SLAMF1: variants seen among roughly 807,000 people sequenced by gnomAD.
SLAMF1 encodes signaling lymphocytic activation molecule family member 1, also known as signaling lymphocytic activation molecule.
SLAMF1 carries 18 observed loss-of-function variants against 35.1 expected under a neutral mutation model. The ratio of observed to expected loss-of-function variants is 0.51; its 90% CI spans 0.35 to 0.76. The LOEUF (loss-of-function observed/expected upper bound fraction) is 0.76, where lower values mean the gene tolerates loss of function less well. Among genes scored for constraint, SLAMF1 ranks in the 30% least tolerant of loss-of-function variants. The pLI, the probability that SLAMF1 is intolerant of heterozygous loss-of-function variation, is 0.01. For missense variants in SLAMF1, 392 were observed against 413.0 expected (o/e 0.95, Z 0.44); for synonymous variants, 168 against 157.2 (o/e 1.07, Z -0.51).
chr1:160,635,672 C>T lies in SLAMF1; in HGVS notation c.416-775G>A, dbSNP rs527829227. Among the ~76,000 whole-genome samples, 12 of 150,866 alleles carry T rather than the reference C, an allele frequency of 8.0e-5. No individual in the cohort carries two copies. The South Asian group carries it at 1.3e-3, about 16-fold the overall frequency. On this transcript the variant is annotated intron_variant, in intron 2 of 6. Coordinates refer to ENST00000302035, the MANE Select transcript of SLAMF1 (RefSeq NM_003037.5). Reference sequence around the variant, plus strand: ...CTGCAAGCTCCACCTCCTGGGTTCACGCCATTCTCCTGCCTCAGCCTCCCG... The same window carrying T: ...CTGCAAGCTCCACCTCCTGGGTTCATGCCATTCTCCTGCCTCAGCCTCCCG...
chr1:160,643,373 T>C (rs910210419), intron 1 of SLAMF1, among the ~76,000 whole-genome samples: 10 of 152,184 alleles, frequency 6.6e-5, no homozygotes, highest in African/African-American at 9.7e-5. Flanking sequence ...CTTAGGAAGA[T>C]AGTGACTCCA....
In SLAMF1 at chr1:160,610,272, C is replaced by T. The variant is rs1557999202; in HGVS notation, c.*476G>A. 4.4e-6 allele frequency: 2 copies of T among 456,784 alleles called. No homozygotes were observed. The highest frequency in any genetic ancestry group is 6.9e-5 in the East Asian group (1 of 14,404). 28.3% of individuals were successfully genotyped at this position (456,784 alleles called of 1,614,324 possible). On this transcript the variant is annotated 3_prime_UTR_variant, in exon 7 of 7. Coordinates refer to ENST00000302035, the MANE Select transcript of SLAMF1 (RefSeq NM_003037.5). ...TGAGAGAGAAACTGAGGCACAGAGG[C>T]TTGATCAGGTCTGCAGGTTATCATG... is the stretch of plus-strand genomic sequence containing the variant.
intron 2 of SLAMF1, chr1:160,636,906 G>T: frequency 2.4e-6 from 1 of 411,056 alleles, no homozygotes. Flanking sequence ...CAAGATCCTT[G>T]GGTCTATCGG....
intron 3 of SLAMF1, among the ~76,000 whole-genome samples, chr1:160,627,429 A>C (rs985017528): frequency 6.6e-6 from 1 of 152,172 alleles, no homozygotes; most frequent in African/African-American, 2.4e-5. Flanking sequence ...ATTGATTGGA[A>C]AGACAAGAAA....
chr1:160,624,047 G>A, intron 4 of SLAMF1, 49 bp downstream of exon 4: 4 of 1,332,654 alleles, frequency 3.0e-6, no homozygotes, highest in Admixed American at 2.0e-5. Flanking sequence ...GAGGTCCCCT[G>A]CTTACCACAG....
intron 1 of SLAMF1, 91 bp downstream of exon 1, chr1:160,646,779 C>G (rs1246570633): frequency 2.7e-6 from 2 of 732,074 alleles, no homozygotes; most frequent in African/African-American, 3.5e-5. Flanking sequence ...AAACACAATA[C>G]CCAGCCCTGC....
intron 1 of SLAMF1, 48 bp from the exon 2 acceptor site, chr1:160,637,577 C>A: frequency 2.2e-6 from 3 of 1,343,132 alleles, no homozygotes; most frequent in African/African-American, 2.9e-5. Flanking sequence ...GGCCTTTAGA[C>A]AACATCGTGT....
rs1157094606 is a variant in SLAMF1, at chr1:160,634,723, G to A, written c.590C>T (p.Thr197Ile). 1.2e-6 allele frequency: 2 copies of A among 1,614,188 alleles called. No individual in the cohort carries two copies. The highest frequency in any genetic ancestry group is 1.7e-6 in the Non-Finnish European group (2 of 1,180,028). ...ATTGTCAGCATGCTGGGGGCCGAGG[G>A]TGAGGGACAGGAGGTGGGAGCTGTT... ...PANSSHLLSLTLGPQHADNIY... is the reference protein window; with the variant it reads ...PANSSHLLSLILGPQHADNIY... Residue 197 changes from threonine to isoleucine, a missense_variant, in exon 3 of 7, where the codon ACC becomes ATC. Physicochemically the swap from Thr to Ile is moderately conservative, Grantham distance 89 (BLOSUM62 -1). Transcript: ENST00000302035.
intron 1 of SLAMF1, among the ~76,000 whole-genome samples, chr1:160,641,106 A>G: frequency 6.6e-6 from 1 of 152,190 alleles, no homozygotes; most frequent in East Asian, 1.9e-4. Context: ...ATTTAAAGCC[A>G]TATGTGCAAG....
intron 5 of SLAMF1, among the ~76,000 whole-genome samples, chr1:160,614,389 C>T (rs1469133886): frequency 1.4e-5 from 2 of 138,950 alleles, no homozygotes; most frequent in Non-Finnish European, 3.3e-5. Context: ...TCCTGGCCAA[C>T]ATAGTGAAAC....
chr1:160,634,805 C>T lies in SLAMF1; in HGVS notation c.508G>A (p.Asp170Asn). 1.2e-6 allele frequency: 2 copies of T among 1,614,082 alleles called. No homozygotes were observed. The highest frequency in any genetic ancestry group is 2.2e-5 in the East Asian group (1 of 44,848). Reference sequence around the variant, plus strand: ...TCACTCCAGCTGTAAGCCACATGGTCCCCCTTCTCCACTGTGCAGCCCAGT... The same window carrying T: ...TCACTCCAGCTGTAAGCCACATGGTTCCCCTTCTCCACTGTGCAGCCCAGT... ...LILGCTVEKG[D>N]HVAYSWSEKA... The change falls in exon 3 of 7, where the codon GAC (aspartate) becomes AAC (asparagine). Residue 170 changes from aspartate (D) to asparagine (N), a missense_variant. Asp to Asn is a conservative substitution (Grantham distance 23). Transcript: ENST00000302035.
chr1:160,644,013 T>G (rs1571020298), intron 1 of SLAMF1, among the ~76,000 whole-genome samples: 1 of 152,238 alleles, frequency 6.6e-6, no homozygotes, highest in Non-Finnish European at 1.5e-5. Context: ...AACAAACTAG[T>G]TAACAAAAAA....
intron 2 of SLAMF1, 110 bp from the exon 3 acceptor site, chr1:160,635,007 C>G (rs962680270): frequency 2.2e-6 from 2 of 925,362 alleles, no homozygotes; most frequent in Non-Finnish European, 3.3e-6. Context: ...CCCTCCCCCT[C>G]AATGTGATTT....
At chr1:160,627,794 A>G (rs1191964338) in intron 3 of SLAMF1, among the ~76,000 whole-genome samples, 1 of 152,094 alleles carries the variant, frequency 6.6e-6, no homozygotes, top group African/African-American at 2.4e-5. Context: ...CCTTGGGTGC[A>G]AGGTTTAGTC....
At chr1:160,637,584 G>T in intron 1 of SLAMF1, 55 bp from the exon 2 acceptor site, 1 of 1,282,766 alleles carries the variant, frequency 7.8e-7, no homozygotes, top group Non-Finnish European at 1.1e-6. Context: ...AGACAACATC[G>T]TGTCAGCAGA....
intron 5 of SLAMF1, among the ~76,000 whole-genome samples, chr1:160,618,805 C>A (rs2753260): frequency 0.77 from 116,989 of 152,060 alleles, 45,502 homozygotes; most frequent in African/African-American, 0.86. Context: ...ACACTATGGT[C>A]AAGGTGAACC....
At chr1:160,636,278 C>T (rs1660451818) in intron 2 of SLAMF1, among the ~76,000 whole-genome samples, 1 of 152,126 alleles carries the variant, frequency 6.6e-6, no homozygotes, top group Admixed American at 6.5e-5. Flanking sequence ...ATTCCGCAGG[C>T]ACTGTTTGAA....
rs1333557543 is a variant in SLAMF1 at position 160,624,181 on chromosome 1, T to C, written c.705A>G (p.Thr235=). Residue 235 remains threonine, a synonymous_variant, in exon 4 of 7, where the codon ACA becomes ACG. Coordinates refer to ENST00000302035, the MANE Select transcript of SLAMF1 (RefSeq NM_003037.5). Reference sequence around the variant, plus strand: ...GCCCAGCATACACTGCCCATGGTTTTGTTTCTGGAAAAAAAAAGAAGTCAA... The same window carrying C: ...GCCCAGCATACACTGCCCATGGTTTCGTTTCTGGAAAAAAAAAGAAGTCAA... The part of the protein sequence containing the change: ...WPGCRTDPSE[T]KPWAVYAGLL... The C allele has an allele frequency of 1.9e-6, 3 of 1,604,596 alleles. No homozygotes were observed. Among genetic ancestry groups the C allele is most frequent in the African/African-American group, 2.7e-5 (2 of 74,280 alleles).
At chr1:160,638,361 A>G (rs1660561363) in intron 1 of SLAMF1, among the ~76,000 whole-genome samples, 4 of 151,994 alleles carry the variant, frequency 2.6e-5, no homozygotes, top group African/African-American at 9.7e-5. Context: ...CAACCTACCT[A>G]CCTGGATGGA....
Sources: allele counts gnomAD v4.1 joint callset (sites outside exome capture counted in the v4.1 genomes callset), GRCh38; gene constraint gnomAD v4.1.1; transcripts MANE v1.5; gene names NCBI Gene and HGNC (gene_info 2026-07-23, HGNC 2026-07-21).